NLGN1: variants seen among roughly 807,000 people sequenced by gnomAD.
NLGN1 encodes the protein neuroligin-1.
NLGN1 carries 12 observed loss-of-function variants against 65.5 expected under a neutral mutation model. The observed-to-expected ratio is 0.18, with a 90% CI of 0.12 to 0.30. NLGN1 has a LOEUF of 0.30. Ranked by LOEUF, NLGN1 falls within the 10% of genes least tolerant of loss-of-function variation. The pLI, the probability that NLGN1 is intolerant of heterozygous loss-of-function variation, is 1.00. For synonymous variants in NLGN1, 350 were observed against 359.5 expected, an observed-to-expected ratio of 0.97 and a Z score of 0.30; for missense variants, 750 against 1,007.1, an observed-to-expected ratio of 0.74 and a Z score of 3.46.
chr3:173,430,785 G>A (rs577308522), intron 1 of NLGN1, among the ~76,000 whole-genome samples: 6 of 152,198 alleles, frequency 3.9e-5, no homozygotes, highest in African/African-American at 1.4e-4. Context: ...CTTCTTCTCT[G>A]CTTCCCACCG....
chr3:174,108,441 A>G (rs528528741), intron 4 of NLGN1, among the ~76,000 whole-genome samples: 10 of 152,114 alleles, frequency 6.6e-5, no homozygotes, highest in Admixed American at 1.3e-4. Flanking sequence ...CCAAGCCTGG[A>G]CTATATGAGG....
At chr3:173,738,285 T>G (rs1351302675) in intron 3 of NLGN1, among the ~76,000 whole-genome samples, 1 of 152,022 alleles carries the variant, frequency 6.6e-6, no homozygotes, top group Non-Finnish European at 1.5e-5. Context: ...TTTCTTGTTA[T>G]TTGTGCTTTT....
chr3:173,972,286 G>C (rs1194905506), intron 4 of NLGN1, among the ~76,000 whole-genome samples: 1 of 152,030 alleles, frequency 6.6e-6, no homozygotes, highest in Non-Finnish European at 1.5e-5. Flanking sequence ...ATTCTTTAGG[G>C]CTGGCTTACT....
At chr3:173,746,996 C>A (rs904641710) in intron 3 of NLGN1, among the ~76,000 whole-genome samples, 1 of 151,438 alleles carries the variant, frequency 6.6e-6, no homozygotes, top group African/African-American at 2.4e-5. Flanking sequence ...GAGTTTGAGG[C>A]TGTTGCACTC....
At chr3:173,416,569 T>G (rs1713840625) in intron 1 of NLGN1, among the ~76,000 whole-genome samples, 1 of 152,200 alleles carries the variant, frequency 6.6e-6, no homozygotes, top group Admixed American at 6.5e-5. Flanking sequence ...AATATTGCTT[T>G]GATCACAAAG....
At chr3:174,216,835 T>A (rs1222295327) in intron 4 of NLGN1, among the ~76,000 whole-genome samples, 3 of 152,092 alleles carry the variant, frequency 2.0e-5, no homozygotes, top group Admixed American at 2.0e-4. Context: ...CATTGACCTG[T>A]CAGTTACCTG....
intron 4 of NLGN1, among the ~76,000 whole-genome samples, chr3:173,809,700 T>G: frequency 6.6e-6 from 1 of 152,310 alleles, no homozygotes; most frequent in African/African-American, 2.4e-5. Flanking sequence ...CTTTTTCTTT[T>G]TATGTGTTCA....
At chr3:173,747,795 C>CTTTTTTTTTTTTT (rs1560289220) in intron 3 of NLGN1, among the ~76,000 whole-genome samples, 1 of 78,576 alleles carries the variant, frequency 1.3e-5, no homozygotes, top group African/African-American at 6.2e-5. Context: ...TCTTCTTCTT[C>CTTTTTTTTTTTTT]TTGTTCTTTT....
intron 2 of NLGN1, among the ~76,000 whole-genome samples, chr3:173,436,844 A>G (rs888640194): frequency 6.6e-6 from 1 of 152,122 alleles, no homozygotes; most frequent in South Asian, 2.1e-4. Context: ...TATCACTATG[A>G]CCCAGGTTGG....
At chr3:173,862,621 A>G (rs1662909526) in intron 4 of NLGN1, among the ~76,000 whole-genome samples, 1 of 152,002 alleles carries the variant, frequency 6.6e-6, no homozygotes, top group Admixed American at 6.6e-5. Context: ...GTATTAATCA[A>G]TGCCTAAAAA....
At chr3:174,099,567 G>A (rs556943625) in intron 4 of NLGN1, among the ~76,000 whole-genome samples, 2 of 152,246 alleles carry the variant, frequency 1.3e-5, no homozygotes, top group African/African-American at 2.4e-5. Flanking sequence ...AGGATTAAAG[G>A]TGAGAATATA....
intron 2 of NLGN1, among the ~76,000 whole-genome samples, chr3:173,500,464 T>C (rs565430187): frequency 6.6e-6 from 1 of 152,316 alleles, no homozygotes; most frequent in East Asian, 1.9e-4. Flanking sequence ...CAGTCTTTTA[T>C]TGAGGATTTT....
chr3:173,623,934 C>T (rs2149513998), intron 3 of NLGN1, among the ~76,000 whole-genome samples: 1 of 152,150 alleles, frequency 6.6e-6, no homozygotes, highest in East Asian at 1.9e-4. Flanking sequence ...TTAAAAGGCC[C>T]CAAAAGATAG....
At chr3:174,080,264 G>A (rs1339575486) in intron 4 of NLGN1, among the ~76,000 whole-genome samples, 5 of 152,014 alleles carry the variant, frequency 3.3e-5, no homozygotes, top group Non-Finnish European at 7.4e-5. Context: ...AAATCCGTAC[G>A]GGTCTGCAAC....
chr3:173,670,033 G>A (rs913569335), intron 3 of NLGN1, among the ~76,000 whole-genome samples: 1 of 152,156 alleles, frequency 6.6e-6, no homozygotes, highest in Non-Finnish European at 1.5e-5. Context: ...TAGTTTTACT[G>A]TAGTGGTAAT....
At chr3:174,265,916 ATATATGTATATATGTG>A (rs1165975310) in intron 4 of NLGN1, among the ~76,000 whole-genome samples, 5 of 147,246 alleles carry the variant, frequency 3.4e-5, no homozygotes, top group Non-Finnish European at 7.5e-5. Flanking sequence ...GTATATATGT[ATATATGTATATATGTG>A]TATATATGTA....
At chr3:174,283,761 A>G (rs1371561252) in exon 7 of NLGN1, 1 of 151,452 alleles carries the variant, frequency 6.6e-6, no homozygotes, top group Non-Finnish European at 1.5e-5. Flanking sequence ...AGTGATCTAC[A>G]TACAGCTTTT....
intron 4 of NLGN1, among the ~76,000 whole-genome samples, chr3:173,962,351 C>T (rs1411815335): frequency 6.6e-6 from 1 of 151,986 alleles, no homozygotes; most frequent in African/African-American, 2.4e-5. Flanking sequence ...AAGTTGGAAG[C>T]CCCATTAAGA....
At position 173,826,298 on chromosome 3, in the gene NLGN1, C is replaced by A. The variant is rs894200378; in HGVS notation, c.646+18466C>A. Among the ~76,000 whole-genome samples the A allele has an allele frequency of 2.6e-5, 4 of 152,012 alleles. No individual in the cohort carries two copies. In the East Asian group the frequency reaches 7.7e-4, roughly 29 times the overall value. ...GTATCTCTGCCATCTCAATACCTGA[C>A]CTCCTCATTTCCTGAGGTAGAGAAA... On this transcript the variant is annotated intron_variant, in intron 4 of 6. Transcript: ENST00000457714.
Sources: allele counts gnomAD v4.1 joint callset (sites outside exome capture counted in the v4.1 genomes callset), GRCh38; gene constraint gnomAD v4.1.1; transcripts MANE v1.5; gene names NCBI Gene and HGNC (gene_info 2026-07-23, HGNC 2026-07-21).